The following FGF20 variants were observed in gnomAD, a reference collection of about 807,000 sequenced individuals.
The protein encoded by FGF20 is fibroblast growth factor 20.
FGF20 carries 8 observed loss-of-function variants against 16.7 expected under a neutral mutation model. That is an observed-to-expected ratio of 0.48 (90% CI 0.28 to 0.87). The LOEUF (loss-of-function observed/expected upper bound fraction) is 0.87, where lower values mean the gene tolerates loss of function less well. FGF20 is among the 40% of genes least tolerant of loss of function. The pLI is 0.10. For synonymous variants in FGF20, 161 were observed against 118.6 expected, an observed-to-expected ratio of 1.36 and a Z score of -2.32; for missense variants, 397 against 281.4, an observed-to-expected ratio of 1.41 and a Z score of -2.94.
chr8:16,995,578 T>A (rs1248710652), intron 2 of FGF20, 77 bp downstream of exon 2: 1 of 585,258 alleles, frequency 1.7e-6, no homozygotes, highest in African/African-American at 1.9e-5. Flanking sequence ...ACATTCTTGG[T>A]AGACATTTTA....
At position 17,002,082 on chromosome 8, in the gene FGF20, G is replaced by A. The variant is rs777650687; in HGVS notation, c.-50C>T. On this transcript the variant is annotated 5_prime_UTR_variant, in exon 1 of 3. Coordinates refer to ENST00000180166, the MANE Select transcript of FGF20 (RefSeq NM_019851.3). ...AGACCCCCCCAGTAAAGAGTGTTGT[G>A]GGGGTGGGATGGAGGTGGATAGAGA... is the stretch of plus-strand genomic sequence containing the variant. 15 of 1,479,966 alleles carry A rather than the reference G, an allele frequency of 1.0e-5. No individual in the cohort carries two copies. The South Asian group carries it at 1.2e-4, about 12-fold the overall frequency. The allele number at this position is 1,479,966 out of a possible 1,614,324, so 91.7% of individuals were successfully genotyped here.
chr8:16,994,909 T>C (rs894987420), intron 2 of FGF20, among the ~76,000 whole-genome samples: 6 of 152,190 alleles, frequency 3.9e-5, no homozygotes, highest in Non-Finnish European at 7.3e-5. Flanking sequence ...AAAATCCATG[T>C]TGTGCTGTAA....
chr8:17,001,837 G>T lies in FGF20; in HGVS notation c.196C>A (p.Arg66Ser). 6.6e-7 allele frequency: 1 copy of T among 1,522,158 alleles called. No homozygotes were observed. The highest frequency in any genetic ancestry group is 8.8e-7 in the Non-Finnish European group (1 of 1,138,582). 94.3% of individuals were successfully genotyped at this position (1,522,158 alleles called of 1,614,324 possible). ...CCGGTGCGGCAATAGAGCTGCCGGC[G>T]GCGCAGGATGCCGTGCAGGTGCGCC... ...QLAHLHGILRRRQLYCRTGFH... is the reference protein window; with the variant it reads ...QLAHLHGILRSRQLYCRTGFH... Residue 66 changes from arginine to serine, a missense_variant, in exon 1 of 3, where the codon CGC becomes AGC. By Grantham distance (110) the Arg-to-Ser change is moderately radical (BLOSUM62 -1). Transcript: ENST00000180166.
At position 16,993,022 on chromosome 8, in the gene FGF20, C is replaced by G. The variant is rs758002395; in HGVS notation, c.*50G>C. 6.3e-7 allele frequency: 1 copy of G among 1,581,152 alleles called. No individual in the cohort carries two copies. Among genetic ancestry groups the G allele is most frequent in the Non-Finnish European group, 8.6e-7 (1 of 1,164,582 alleles). On this transcript the variant is annotated 3_prime_UTR_variant, in exon 3 of 3. Transcript: ENST00000180166. ...CATTATTTTATGATGGGAACTATGA[C>G]AAGAAAGAATGGTTGTGGTTTGACT...
chr8:16,993,175 C>T lies in FGF20; in HGVS notation c.533G>A (p.Gly178Asp). 1 of 1,614,052 alleles carries T rather than the reference C, an allele frequency of 6.2e-7. No individual in the cohort carries two copies. The highest frequency in any genetic ancestry group is 8.5e-7 in the Non-Finnish European group (1 of 1,179,998). ...ALNKDGTPRDGARSKRHQKFT... is the reference protein window; with the variant it reads ...ALNKDGTPRDDARSKRHQKFT... Reference sequence around the variant, plus strand: ...TTTCTGATGCCTCTTGGACCTGGCGCCATCTCTTGGAGTTCCGTCTTTGTT... The same window carrying T: ...TTTCTGATGCCTCTTGGACCTGGCGTCATCTCTTGGAGTTCCGTCTTTGTT... The change falls in exon 3 of 3, where the codon GGC (glycine) becomes GAC (aspartate). Residue 178 changes from glycine (G) to aspartate (D), a missense_variant. Physicochemically the swap from Gly to Asp is moderately conservative, Grantham distance 94. Transcript: ENST00000180166.
At chr8:16,996,177 G>GT (rs937031006) in intron 1 of FGF20, among the ~76,000 whole-genome samples, 15 of 150,402 alleles carry the variant, frequency 1.0e-4, no homozygotes, top group East Asian at 2.0e-4. Flanking sequence ...TTGCTTAGTT[G>GT]TTTTTTTTTC....
intron 1 of FGF20, among the ~76,000 whole-genome samples, chr8:16,997,703 G>C (rs1810088121): frequency 6.6e-6 from 1 of 152,136 alleles, no homozygotes; most frequent in African/African-American, 2.4e-5. Flanking sequence ...ATAAGATACA[G>C]CAAGAAGGCT....
chr8:16,993,396 T>A, intron 2 of FGF20, 79 bp from the exon 3 acceptor site: 28 of 1,362,588 alleles, frequency 2.1e-5, no homozygotes, highest in Non-Finnish European at 2.8e-5. Flanking sequence ...ACTCTATATT[T>A]TCATTTCTTT....
chr8:16,997,603 G>A (rs1467159499), intron 1 of FGF20, among the ~76,000 whole-genome samples: 2 of 152,142 alleles, frequency 1.3e-5, no homozygotes. Flanking sequence ...GAGCTATCAA[G>A]GATCTTACAG....
intron 1 of FGF20, among the ~76,000 whole-genome samples, chr8:17,000,149 G>T (rs952114390): frequency 1.3e-5 from 2 of 152,024 alleles, no homozygotes; most frequent in African/African-American, 4.8e-5. Context: ...ATTGCCGGAG[G>T]CCAGAAGTTA....
intron 1 of FGF20, among the ~76,000 whole-genome samples, chr8:17,000,304 T>C (rs1810152102): frequency 6.6e-6 from 1 of 152,188 alleles, no homozygotes; most frequent in East Asian, 1.9e-4. Flanking sequence ...TTTAAAAAGT[T>C]AATTTTCTAA....
At chr8:16,997,023 T>C (rs1427259552) in intron 1 of FGF20, among the ~76,000 whole-genome samples, 1 of 152,254 alleles carries the variant, frequency 6.6e-6, no homozygotes, top group Non-Finnish European at 1.5e-5. Context: ...TATAATTCAT[T>C]AAATATGATA....
intron 1 of FGF20, among the ~76,000 whole-genome samples, chr8:16,997,929 T>G (rs1810092492): frequency 6.6e-6 from 1 of 152,220 alleles, no homozygotes. Flanking sequence ...TTAAAAAGTG[T>G]TCTGTGGTTG....
At chr8:16,999,742 T>A (rs1474162823) in intron 1 of FGF20, among the ~76,000 whole-genome samples, 1 of 150,072 alleles carries the variant, frequency 6.7e-6, no homozygotes, top group Non-Finnish European at 1.5e-5. Flanking sequence ...GGTTTCACTA[T>A]CTTGGCCAGG....
chr8:16,993,458 A>G, intron 2 of FGF20, 141 bp from the exon 3 acceptor site: 1 of 843,844 alleles, frequency 1.2e-6, no homozygotes, highest in Non-Finnish European at 1.8e-6. Context: ...ATTTTGTTTT[A>G]GTTCATATGT....
At position 17,002,220 on chromosome 8, in the gene FGF20, C is replaced by A. The variant is rs943038068; in HGVS notation, c.-188G>T. On this transcript the variant is annotated 5_prime_UTR_variant, in exon 1 of 3. Transcript: ENST00000180166. ...GAAGCTCTCACTGTCTTGGAGCGAT[C>A]TTCTCTCCTTGGGTAGGTGGGAGCC... 4 of 535,404 alleles carry A rather than the reference C, an allele frequency of 7.5e-6. No individual in the cohort carries two copies. Among genetic ancestry groups the A allele is most frequent in the African/African-American group, 6.1e-5 (3 of 49,564 alleles). The allele number at this position is 535,404 out of a possible 1,614,324, so 33.2% of individuals were successfully genotyped here. A position where few individuals can be genotyped will look rare whatever the true frequency, so the allele number is the denominator to read the frequency against.
At chr8:17,001,524 T>G (rs1282139498) in intron 1 of FGF20, among the ~76,000 whole-genome samples, 2 of 152,070 alleles carry the variant, frequency 1.3e-5, no homozygotes, top group Non-Finnish European at 1.5e-5. Flanking sequence ...GCTGCTGCCC[T>G]GCTAGAGGCT....
rs997382058 is a variant in FGF20, at chr8:17,001,950, G to A, written c.83C>T (p.Pro28Leu). The A allele has an allele frequency of 6.0e-6, 9 of 1,502,736 alleles. No homozygotes were observed. Among genetic ancestry groups the A allele is most frequent in the Non-Finnish European group, 7.1e-6 (8 of 1,127,236 alleles). The allele number at this position is 1,502,736 out of a possible 1,614,324, so 93.1% of individuals were successfully genotyped here. A position where few individuals can be genotyped will look rare whatever the true frequency, so the allele number is the denominator to read the frequency against. The change falls in exon 1 of 3, where the codon CCT becomes CTT. Residue 28 changes from proline to leucine, a missense_variant. Pro to Leu is a moderately conservative substitution (Grantham distance 98). Coordinates refer to ENST00000180166, the MANE Select transcript of FGF20 (RefSeq NM_019851.3). ...GQQVGSHFLL[P>L]PAGERPPLLG... Reference sequence around the variant, plus strand: ...CAGCGGCGGCCGCTCCCCGGCAGGAGGCAACAGGAAATGCGAACCCACCTG... The same window carrying A: ...CAGCGGCGGCCGCTCCCCGGCAGGAAGCAACAGGAAATGCGAACCCACCTG...
chr8:16,996,357 G>A (rs1182802601), intron 1 of FGF20, among the ~76,000 whole-genome samples: 1 of 152,140 alleles, frequency 6.6e-6, no homozygotes, highest in Non-Finnish European at 1.5e-5. Context: ...AGCTGGGTCT[G>A]AATTCCAGTT....
Sources: allele counts gnomAD v4.1 joint callset (sites outside exome capture counted in the v4.1 genomes callset), GRCh38; gene constraint gnomAD v4.1.1; transcripts MANE v1.5; gene names NCBI Gene and HGNC (gene_info 2026-07-23, HGNC 2026-07-21).